Variants in TRIM49 observed in about 807,000 individuals in gnomAD.
TRIM49 encodes the protein tripartite motif-containing protein 49.
TRIM49 carries 5 observed loss-of-function variants against 27.4 expected under a neutral mutation model. That is an observed-to-expected ratio of 0.18 (90% confidence interval 0.10 to 0.38). The LOEUF (loss-of-function observed/expected upper bound fraction) is 0.38, where lower values mean the gene tolerates loss of function less well. TRIM49 is among the 10% of genes least tolerant of loss of function. The probability of loss-of-function intolerance (pLI) is 1.00; values close to 1 mark genes in which losing one functional copy is unlikely to be tolerated. For missense variants in TRIM49, 188 were observed against 487.5 expected (o/e 0.39, Z 5.79); for synonymous variants, 69 against 166.0 (o/e 0.42, Z 4.49).
At chr11:89,776,952 T>C in the TRIM49 span, 3 of 1,516,976 alleles carry the variant, frequency 2.0e-6, no homozygotes, top group Non-Finnish European at 1.8e-6. Flanking sequence ...AAAGAAATTC[T>C]CACTTTTTTT....
chr11:89,768,840 G>A, the TRIM49 span: 8 of 211,326 alleles, frequency 3.8e-5, no homozygotes, highest in Non-Finnish European at 7.5e-5. Context: ...CCAAATCCTG[G>A]AGAGAGAGAG....
At chr11:89,793,726 A>G (rs1259712474), downstream of TRIM49, among the ~76,000 whole-genome samples, 1 of 151,972 alleles carries the variant, frequency 6.6e-6, no homozygotes. Context: ...TATTGATGGG[A>G]CGTATCTCAA....
At chr11:89,786,641 G>GAGGACGGA in the TRIM49 span, among the ~76,000 whole-genome samples, 2 of 132,452 alleles carry the variant, frequency 1.5e-5, no homozygotes, top group Admixed American at 1.4e-4. Context: ...ATCCCACGTT[G>GAGGACGGA]AGGACGGAGG....
the TRIM49 span, among the ~76,000 whole-genome samples, chr11:89,767,263 A>G: frequency 2.1e-5 from 3 of 140,660 alleles, no homozygotes; most frequent in Non-Finnish European, 4.5e-5. Context: ...CGCAATTTCT[A>G]TAAACTCAAA....
the TRIM49 span, among the ~76,000 whole-genome samples, chr11:89,767,763 G>A: frequency 2.2e-4 from 29 of 133,858 alleles, 3 homozygotes; most frequent in South Asian, 4.5e-3. Context: ...TAAAATGCAC[G>A]TGATTAAAAT....
the TRIM49 span, among the ~76,000 whole-genome samples, chr11:89,775,837 C>T: frequency 1.3e-5 from 2 of 149,450 alleles, no homozygotes. Flanking sequence ...TCTGATTACT[C>T]AATCTTAGAT....
intron 4 of TRIM49, among the ~76,000 whole-genome samples, chr11:89,802,613 A>G (rs1278846253): frequency 6.6e-6 from 1 of 151,010 alleles, no homozygotes. Context: ...ATACATATAT[A>G]CACACAACCA....
At chr11:89,768,166 C>T in the TRIM49 span, 11 of 1,203,650 alleles carry the variant, frequency 9.1e-6, no homozygotes, top group African/African-American at 2.2e-5. Flanking sequence ...GCATGTTGAT[C>T]CCACCAAGAG....
the TRIM49 span, chr11:89,768,085 A>G: frequency 6.3e-6 from 4 of 637,304 alleles, no homozygotes; most frequent in Non-Finnish European, 1.1e-5. Context: ...TTCACAGACT[A>G]TTCTCTTGTT....
chr11:89,789,761 T>C, the TRIM49 span: 1 of 152,006 alleles, frequency 6.6e-6, no homozygotes, highest in South Asian at 2.1e-4. Context: ...TAAAAATCAT[T>C]TAAAAATCAA....
downstream of TRIM49, among the ~76,000 whole-genome samples, chr11:89,795,946 T>G (rs1314731398): frequency 6.6e-6 from 1 of 151,908 alleles, no homozygotes; most frequent in African/African-American, 2.4e-5. Flanking sequence ...TGAATATGCA[T>G]CTGCTAGGCT....
rs759786920 is a variant in TRIM49, at chr11:89,804,117, G to C, written c.353C>G (p.Ser118Cys). The change falls in exon 3 of 8, where the codon TCT (serine) becomes TGT (cysteine). Residue 118 changes from serine to cysteine, a missense_variant. Around this residue, in one of 6 missense-constraint regions of TRIM49, gnomAD observed 21 missense variants for 71.4 expected, o/e 0.29. Coordinates refer to ENST00000329758, the MANE Select transcript of TRIM49 (RefSeq NM_020358.2). ...RSLLCLLCSS[S>C]QEHRYHRHRP... Reference sequence around the variant, plus strand: ...GTGTCTGTGATACCGGTGCTCCTGAGAGCTGGAGCACAGCAAACAGAGCAG... The same window carrying C: ...GTGTCTGTGATACCGGTGCTCCTGACAGCTGGAGCACAGCAAACAGAGCAG... 1 of 1,605,952 alleles carries C rather than the reference G, an allele frequency of 6.2e-7. No homozygotes were observed. Among genetic ancestry groups the C allele is most frequent in the Non-Finnish European group, 8.5e-7 (1 of 1,177,362 alleles).
chr11:89,798,414 T>A lies in TRIM49; in HGVS notation c.1075A>T (p.Asn359Tyr). Residue 359 changes from asparagine to tyrosine, a missense_variant, in exon 8 of 8, where the codon AAT (asparagine) becomes TAT (tyrosine). Transcript: ENST00000329758. The stretch of plus-strand genomic sequence containing the variant: ...TGATTCTTCTCTTTCCGATACATAT[T>A]ACAGACACCAAAAGCCCAATTCCAG... ...DSWNWAFGVCNMYRKEKNQNE... is the reference protein window; with the variant it reads ...DSWNWAFGVCYMYRKEKNQNE... The A allele has an allele frequency of 6.2e-7, 1 of 1,603,210 alleles. No individual in the cohort carries two copies. Among genetic ancestry groups the A allele is most frequent in the Non-Finnish European group, 8.5e-7 (1 of 1,177,912 alleles).
At chr11:89,791,686 C>A in the TRIM49 span, among the ~76,000 whole-genome samples, 1 of 151,984 alleles carries the variant, frequency 6.6e-6, no homozygotes, top group South Asian at 2.1e-4. Context: ...TATAGACAAG[C>A]AAATGCTGAG....
At chr11:89,787,604 A>G in the TRIM49 span, 327 of 832,296 alleles carry the variant, frequency 3.9e-4, 49 homozygotes, top group African/African-American at 6.2e-3. Flanking sequence ...GCGGCGGAGC[A>G]GCTTGTGGCC....
chr11:89,773,297 T>C, the TRIM49 span, among the ~76,000 whole-genome samples: 2 of 124,738 alleles, frequency 1.6e-5, no homozygotes, highest in Admixed American at 7.4e-5. Flanking sequence ...ATATGTAAAG[T>C]ATCACTTTTA....
chr11:89,787,051 C>T, the TRIM49 span: 19 of 139,196 alleles, frequency 1.4e-4, no homozygotes, highest in South Asian at 5.5e-4. Context: ...TACACGTCCG[C>T]CTCATGCAGA....
chr11:89,804,500 T>G, intron 2 of TRIM49, 27 bp from the exon 3 acceptor site: 1 of 1,547,860 alleles, frequency 6.5e-7, no homozygotes, highest in Non-Finnish European at 8.7e-7. Flanking sequence ...AACATGTCAT[T>G]TTGGGGCCTG....
chr11:89,806,348 C>A (rs2134648546), intron 2 of TRIM49, among the ~76,000 whole-genome samples: 1 of 150,240 alleles, frequency 6.7e-6, no homozygotes, highest in Non-Finnish European at 1.5e-5. Context: ...GTCTGGAGAA[C>A]CCTGACTAAT....
Sources: allele counts gnomAD v4.1 joint callset (sites outside exome capture counted in the v4.1 genomes callset), GRCh38; gene constraint gnomAD v4.1.1; regional missense constraint gnomAD v4.1.1; transcripts MANE v1.5; gene names NCBI Gene and HGNC (gene_info 2026-07-23, HGNC 2026-07-21).